C1QTNF3: variants seen among roughly 807,000 people sequenced by gnomAD.
C1QTNF3 encodes complement C1q tumor necrosis factor-related protein 3.
A neutral mutation model predicts 32.6 loss-of-function variants in C1QTNF3; 26 were observed. The observed-to-expected ratio is 0.80, with a 90% CI of 0.58 to 1.11. The LOEUF is 1.11. Ranked by LOEUF, C1QTNF3 falls within the 50% of genes least tolerant of loss-of-function variation. The pLI is 0.00. For missense variants in C1QTNF3, 362 were observed against 398.2 expected (o/e 0.91, Z 0.77); for synonymous variants, 155 against 146.0 (o/e 1.06, Z -0.44).
At chr5:34,046,646 C>T (rs1399412282), upstream of C1QTNF3, among the ~76,000 whole-genome samples, 1 of 152,210 alleles carries the variant, frequency 6.6e-6, no homozygotes, top group African/African-American at 2.4e-5. Context: ...GACTCCAAAA[C>T]TGTGACACAA....
chr5:34,040,743 C>T (rs1754850999), intron 1 of C1QTNF3, among the ~76,000 whole-genome samples: 3 of 151,852 alleles, frequency 2.0e-5, no homozygotes, highest in Admixed American at 1.3e-4. Flanking sequence ...CCAACCCCCA[C>T]CCCTGCATCC....
chr5:34,223,007 T>G, the C1QTNF3 span, among the ~76,000 whole-genome samples: 1 of 151,856 alleles, frequency 6.6e-6, no homozygotes, highest in Non-Finnish European at 1.5e-5. Context: ...ATGAACATTT[T>G]TTTAAAAAAT....
the C1QTNF3 span, among the ~76,000 whole-genome samples, chr5:34,216,379 T>C: frequency 6.6e-6 from 1 of 152,246 alleles, no homozygotes; most frequent in South Asian, 2.1e-4. Context: ...GCTGGTTGTG[T>C]TGCAACTCCT....
the C1QTNF3 span, chr5:34,165,933 CATA>C: frequency 2.5e-4 from 37 of 145,204 alleles, no homozygotes; most frequent in African/African-American, 9.4e-4. Context: ...TAGTATAGCA[CATA>C]ATAATTTTTA....
At chr5:34,066,180 CCT>C in the C1QTNF3 span, among the ~76,000 whole-genome samples, 1 of 152,174 alleles carries the variant, frequency 6.6e-6, no homozygotes, top group Non-Finnish European at 1.5e-5. Flanking sequence ...CTGCTGATCA[CCT>C]GTTTCAGGTT....
chr5:34,128,376 C>T, the C1QTNF3 span, among the ~76,000 whole-genome samples: 1 of 152,252 alleles, frequency 6.6e-6, no homozygotes, highest in African/African-American at 2.4e-5. Context: ...GGAGCCCTCA[C>T]ACAGAGTTCC....
the C1QTNF3 span, among the ~76,000 whole-genome samples, chr5:34,173,011 G>T: frequency 6.6e-6 from 1 of 151,982 alleles, no homozygotes; most frequent in Non-Finnish European, 1.5e-5. Context: ...TTCAAGGGTG[G>T]ACTTTTAATC....
chr5:34,019,496 T>A lies in C1QTNF3; in HGVS notation c.*1087A>T, dbSNP rs1754274266. Reference sequence around the variant, plus strand: ...TATTTGTGAGCCCTCTAAACATCAATGTCTTAAAGGGTTGACATTATAACA... The same window carrying A: ...TATTTGTGAGCCCTCTAAACATCAAAGTCTTAAAGGGTTGACATTATAACA... On this transcript the variant is annotated 3_prime_UTR_variant, in exon 6 of 6. Transcript: ENST00000382065. 6.6e-6 allele frequency: 1 copy of A among 152,236 alleles called. No individual in the cohort carries two copies. The highest frequency in any genetic ancestry group is 1.5e-5 in the Non-Finnish European group (1 of 68,034). The allele number at this position is 152,236 out of a possible 1,614,324, so 9.4% of individuals were successfully genotyped here.
the C1QTNF3 span, among the ~76,000 whole-genome samples, chr5:34,211,619 C>T: frequency 1.2e-4 from 17 of 146,186 alleles, no homozygotes; most frequent in Non-Finnish European, 2.2e-4. Context: ...TCAATTCCCA[C>T]GTATGAGTGA....
chr5:34,235,951 C>T, the C1QTNF3 span, among the ~76,000 whole-genome samples: 32 of 152,244 alleles, frequency 2.1e-4, no homozygotes, highest in South Asian at 6.4e-3. Context: ...AAAAGCATTG[C>T]TCCTTTATGT....
At position 34,028,788 on chromosome 5, in the gene C1QTNF3, A is replaced by G; in HGVS notation, c.666T>C (p.Asp222=). 6.2e-7 allele frequency: 1 copy of G among 1,611,882 alleles called. No homozygotes were observed. The change falls in exon 4 of 6, where the codon GAT becomes GAC. Residue 222 remains aspartate, a synonymous_variant. Coordinates refer to ENST00000382065, the MANE Select transcript of C1QTNF3 (RefSeq NM_181435.6). The stretch of plus-strand genomic sequence containing the variant: ...GGGCCCCAAATCTACCAGTCATGAC[A>G]TCAAAGAAGTTTCCAATGTTGGTCT... ...SVETNIGNFF[D]VMTGRFGAPV...
chr5:34,078,453 A>G, the C1QTNF3 span, among the ~76,000 whole-genome samples: 2 of 151,960 alleles, frequency 1.3e-5, no homozygotes, highest in African/African-American at 4.9e-5. The surrounding 1 kb of genome is among the most constrained non-coding windows in gnomAD (Gnocchi z 4.0). Flanking sequence ...CCTCCTTCAC[A>G]AGGCAGGAGG....
chr5:34,022,723 T>C (rs1398380942), intron 5 of C1QTNF3, among the ~76,000 whole-genome samples: 1 of 152,252 alleles, frequency 6.6e-6, no homozygotes, highest in Non-Finnish European at 1.5e-5. Flanking sequence ...CTAAGTTCTC[T>C]GAACAGAATT....
chr5:34,066,376 G>GT, the C1QTNF3 span, among the ~76,000 whole-genome samples: 3 of 152,066 alleles, frequency 2.0e-5, no homozygotes, highest in Non-Finnish European at 4.4e-5. Context: ...AAAATGATCT[G>GT]TTTTTTTGAA....
At chr5:34,169,864 G>A in the C1QTNF3 span, among the ~76,000 whole-genome samples, 1 of 152,116 alleles carries the variant, frequency 6.6e-6, no homozygotes. Flanking sequence ...TAAGAAAACA[G>A]TATGGCGGTT....
the C1QTNF3 span, among the ~76,000 whole-genome samples, chr5:34,053,196 C>A: frequency 6.6e-6 from 1 of 152,122 alleles, no homozygotes; most frequent in African/African-American, 2.4e-5. Context: ...CTCTGTCTTG[C>A]CTGCTTTCAT....
chr5:34,087,672 CA>C, the C1QTNF3 span, among the ~76,000 whole-genome samples: 1 of 139,800 alleles, frequency 7.2e-6, no homozygotes, highest in Non-Finnish European at 1.5e-5. Context: ...TCTCCAGGCT[CA>C]AATGATCTTC....
the C1QTNF3 span, among the ~76,000 whole-genome samples, chr5:34,056,368 T>C: frequency 6.7e-6 from 1 of 150,286 alleles, no homozygotes; most frequent in African/African-American, 2.5e-5. Flanking sequence ...ATTTTGTCTC[T>C]AAGAATCATA....
the C1QTNF3 span, among the ~76,000 whole-genome samples, chr5:34,223,029 A>T: frequency 6.6e-6 from 1 of 151,906 alleles, no homozygotes; most frequent in Non-Finnish European, 1.5e-5. Context: ...TTATTTTCTT[A>T]TTACTATATT....
Sources: allele counts gnomAD v4.1 joint callset (sites outside exome capture counted in the v4.1 genomes callset), GRCh38; gene constraint gnomAD v4.1.1; non-coding constraint Gnocchi (gnomAD v3.1); transcripts MANE v1.5; gene names NCBI Gene and HGNC (gene_info 2026-07-23, HGNC 2026-07-21).